FRMD4A: variants seen among roughly 807,000 people sequenced by gnomAD.
FRMD4A encodes the protein FERM domain-containing protein 4A.
FRMD4A carries 29 observed loss-of-function variants against 129.1 expected under a neutral mutation model. The observed-to-expected ratio is 0.22, with a 90% CI of 0.17 to 0.31. The LOEUF (loss-of-function observed/expected upper bound fraction) is 0.31. Ranked by LOEUF, FRMD4A falls within the 10% of genes least tolerant of loss-of-function variation. The pLI, the probability that FRMD4A is intolerant of heterozygous loss-of-function variation, is 1.00. For missense variants in FRMD4A, 1,272 were observed against 1,375.8 expected (o/e 0.92, Z 1.19); for synonymous variants, 634 against 571.6 (o/e 1.11, Z -1.56).
At chr10:13,652,026 AGACACT>A (rs749992428) in intron 23 of FRMD4A, 52 bp from the exon 24 acceptor site, 9 of 939,194 alleles carry the variant, frequency 9.6e-6, no homozygotes, top group East Asian at 2.4e-5. Context: ...TGTTACAGAG[AGACACT>A]GACACAGACA....
Position 13,994,398 on chromosome 10 carries a change from C to T in FRMD4A, c.46-135486G>A, listed in dbSNP as rs1456104253. On this transcript the variant is annotated intron_variant, in intron 2 of 24. Coordinates refer to ENST00000357447, the MANE Select transcript of FRMD4A (RefSeq NM_018027.5). Reference sequence around the variant, plus strand: ...TTCACCATGTTGGCCAGGATGGTCTCGATCTCCCGACCTCATGATCTGCCT... The same window carrying T: ...TTCACCATGTTGGCCAGGATGGTCTTGATCTCCCGACCTCATGATCTGCCT... Among the ~76,000 whole-genome samples the T allele has an allele frequency of 7.2e-5, 11 of 152,022 alleles. No homozygotes were observed. In the South Asian group the frequency reaches 8.3e-4, roughly 12 times the overall value.
intron 2 of FRMD4A, among the ~76,000 whole-genome samples, chr10:14,302,871 A>T (rs983174159): frequency 6.6e-6 from 1 of 152,226 alleles, no homozygotes; most frequent in Non-Finnish European, 1.5e-5. Context: ...TAAGCCCTAT[A>T]TCAAGGCAGA....
chr10:13,991,155 T>A (rs2095601867), intron 2 of FRMD4A, among the ~76,000 whole-genome samples: 1 of 152,208 alleles, frequency 6.6e-6, no homozygotes, highest in Non-Finnish European at 1.5e-5. Flanking sequence ...AGGAAGCTAT[T>A]GTTATTTGTG....
chr10:13,887,499 T>C (rs1391583296), intron 2 of FRMD4A, among the ~76,000 whole-genome samples: 1 of 152,010 alleles, frequency 6.6e-6, no homozygotes, highest in East Asian at 1.9e-4. Context: ...GCCAACATGG[T>C]GAAACCCCGT....
chr10:13,713,827 T>TAC (rs2088308631), intron 12 of FRMD4A, among the ~76,000 whole-genome samples: 1 of 48,370 alleles, frequency 2.1e-5, no homozygotes, highest in Non-Finnish European at 3.4e-5. Context: ...ATAATATATA[T>TAC]ACATATATGT....
chr10:14,323,193 T>C (rs1843133503), intron 2 of FRMD4A, among the ~76,000 whole-genome samples: 1 of 152,206 alleles, frequency 6.6e-6, no homozygotes, highest in Non-Finnish European at 1.5e-5. Context: ...ACTTGTTTCT[T>C]AGATGGATTT....
chr10:13,770,221 T>C (rs538605773), intron 6 of FRMD4A, among the ~76,000 whole-genome samples: 9 of 152,226 alleles, frequency 5.9e-5, no homozygotes, highest in East Asian at 1.9e-4. Flanking sequence ...ACTGATGCGA[T>C]CTCGCACAAT....
chr10:14,129,371 C>CATATATATATATATAT (rs3033977), intron 2 of FRMD4A, among the ~76,000 whole-genome samples: 3 of 46,202 alleles, frequency 6.5e-5, no homozygotes, highest in Admixed American at 2.4e-4. Context: ...AATTATGATT[C>CATATATATATATATAT]ATATATATAT....
chr10:14,096,685 T>C (rs1021288774), intron 2 of FRMD4A, among the ~76,000 whole-genome samples: 1 of 152,162 alleles, frequency 6.6e-6, no homozygotes, highest in Non-Finnish European at 1.5e-5. Context: ...TGAAAATAAG[T>C]GGGCAGATCT....
chr10:13,931,131 A>T (rs1396166783), intron 2 of FRMD4A, among the ~76,000 whole-genome samples: 1 of 152,164 alleles, frequency 6.6e-6, no homozygotes, highest in East Asian at 1.9e-4. Flanking sequence ...TTTCTGATGT[A>T]AGGTGTTGAG....
intron 12 of FRMD4A, among the ~76,000 whole-genome samples, chr10:13,732,481 C>T (rs1444989790): frequency 2.0e-5 from 3 of 152,300 alleles, no homozygotes; most frequent in Middle Eastern, 3.4e-3. Flanking sequence ...AGGGAGCAGA[C>T]TCACCCCTGC....
At chr10:14,156,790 C>T (rs1023241771) in intron 2 of FRMD4A, among the ~76,000 whole-genome samples, 1 of 152,238 alleles carries the variant, frequency 6.6e-6, no homozygotes, top group African/African-American at 2.4e-5. Context: ...GTTCCTGGAA[C>T]ATAGCTTATA....
At chr10:13,813,425 A>G (rs2093483000) in intron 3 of FRMD4A, among the ~76,000 whole-genome samples, 1 of 152,258 alleles carries the variant, frequency 6.6e-6, no homozygotes, top group South Asian at 2.1e-4. Context: ...TTGGCAACAG[A>G]GCGAGACTGT....
intron 2 of FRMD4A, among the ~76,000 whole-genome samples, chr10:14,203,712 T>C (rs1208426326): frequency 3.3e-5 from 5 of 152,198 alleles, no homozygotes; most frequent in Non-Finnish European, 5.9e-5. Context: ...ACTTGCAATT[T>C]CCCCTTTCTC....
chr10:14,280,074 C>A (rs1429598815), intron 2 of FRMD4A, among the ~76,000 whole-genome samples: 1 of 152,132 alleles, frequency 6.6e-6, no homozygotes, highest in African/African-American at 2.4e-5. Context: ...TAAGGAGCAA[C>A]TCTTTACCTA....
intron 2 of FRMD4A, among the ~76,000 whole-genome samples, chr10:13,863,902 A>G (rs2094327947): frequency 6.6e-6 from 1 of 152,190 alleles, no homozygotes; most frequent in Non-Finnish European, 1.5e-5. Flanking sequence ...TAAGACAGCA[A>G]CTTCAGAACA....
At position 13,829,214 on chromosome 10, in the gene FRMD4A, T is replaced by C. The variant is rs140210411; in HGVS notation, c.112-18306A>G. The stretch of plus-strand genomic sequence containing the variant: ...GATTTTAGCAGGAGAAGCTTTCACA[T>C]TGATAAACAAAACGAAAAACATTCT... On this transcript the variant is annotated intron_variant, in intron 3 of 24. Transcript: ENST00000357447. Among the ~76,000 whole-genome samples the C allele has an allele frequency of 5.3e-3, 800 of 152,256 alleles. 11 individuals carry two copies. The highest frequency in any genetic ancestry group is 0.017 in the African/African-American group (721 of 41,558).
intron 15 of FRMD4A, among the ~76,000 whole-genome samples, chr10:13,680,679 T>A (rs531495774): frequency 6.6e-6 from 1 of 151,898 alleles, no homozygotes; most frequent in Admixed American, 6.5e-5. Context: ...TGAGCTGAGA[T>A]GGCGCCACTG....
intron 8 of FRMD4A, among the ~76,000 whole-genome samples, chr10:13,752,505 G>A (rs17153916): frequency 0.021 from 3,211 of 152,274 alleles, 119 homozygotes; most frequent in African/African-American, 0.073. Flanking sequence ...TGTAATTTGT[G>A]GGAGAAACTT....
Sources: allele counts gnomAD v4.1 joint callset (sites outside exome capture counted in the v4.1 genomes callset), GRCh38; gene constraint gnomAD v4.1.1; transcripts MANE v1.5; gene names NCBI Gene and HGNC (gene_info 2026-07-23, HGNC 2026-07-21).